BRIP1: variants seen among roughly 807,000 people sequenced by gnomAD.
BRIP1 encodes the protein Fanconi anemia group J protein.
A neutral mutation model predicts 119.7 loss-of-function variants in BRIP1; 88 were observed. That is an observed-to-expected ratio of 0.74 (90% CI 0.62 to 0.88). The LOEUF is 0.88. Among genes scored for constraint, BRIP1 ranks in the 40% least tolerant of loss-of-function variants. The pLI is 0.00. For synonymous variants in BRIP1, 443 were observed against 496.5 expected, an observed-to-expected ratio of 0.89 and a Z score of 1.43; for missense variants, 1,259 against 1,455.4, an observed-to-expected ratio of 0.87 and a Z score of 2.20.
chr17:61,766,477 T>C (rs2077375294), intron 14 of BRIP1, among the ~76,000 whole-genome samples: 1 of 152,118 alleles, frequency 6.6e-6, no homozygotes, highest in Non-Finnish European at 1.5e-5. Flanking sequence ...CAAATTTATA[T>C]CTATAGAAAT....
intron 2 of BRIP1, 58 bp from the exon 3 acceptor site, chr17:61,859,965 TC>T (rs2078952860): frequency 3.3e-6 from 4 of 1,220,572 alleles, no homozygotes; most frequent in Admixed American, 3.4e-5. Context: ...AAGGTCTCTC[TC>T]CATCTGAAGT....
At chr17:61,728,990 T>C (rs1603298728) in intron 16 of BRIP1, among the ~76,000 whole-genome samples, 1 of 149,812 alleles carries the variant, frequency 6.7e-6, no homozygotes, top group Non-Finnish European at 1.5e-5. Flanking sequence ...CTATCAACCC[T>C]AAAGTTCAAA....
intron 16 of BRIP1, among the ~76,000 whole-genome samples, chr17:61,727,065 G>GTA (rs1603297965): frequency 6.6e-6 from 1 of 152,136 alleles, no homozygotes; most frequent in Admixed American, 6.6e-5. Context: ...AATATTAAGA[G>GTA]GATTTAATAA....
chr17:61,769,722 A>G lies in BRIP1; in HGVS notation c.2097+6679T>C, dbSNP rs1276062510. Among the ~76,000 whole-genome samples the G allele has an allele frequency of 6.6e-6, 1 of 152,216 alleles. No individual in the cohort carries two copies. Among genetic ancestry groups the G allele is most frequent in the Admixed American group, 6.5e-5 (1 of 15,280 alleles). On this transcript the variant is annotated intron_variant, in intron 14 of 19. Coordinates refer to ENST00000259008, the MANE Select transcript of BRIP1 (RefSeq NM_032043.3). This position sits in a 1 kb window ranked among gnomAD's most constrained non-coding sequence, Gnocchi z 4.9. ...TGGGATCCATCTGAGAACTGAGGTC[A>G]CAAGGCAAACTGCCACCCTGAAATC...
Position 61,857,178 on chromosome 17 carries a change from A to G in BRIP1, c.259T>C (p.Cys87Arg), listed in dbSNP as rs1555617897. ...SEKAEVQLSC[C>R]CACHSKDFTN... ...AAATCCTTTGAATGGCATGCACAAC[A>G]ACATGACAATTGTACTTCAGCTTTT... Residue 87 changes from cysteine (C) to arginine (R), a missense_variant, in exon 4 of 20, where the codon TGT becomes CGT. By Grantham distance (180) the Cys-to-Arg change is radical. Around this residue, in one of 3 missense-constraint regions of BRIP1, gnomAD observed 501 missense variants for 544.0 expected, o/e 0.92. Transcript: ENST00000259008. The surrounding 1 kb of genome is among the most constrained non-coding windows in gnomAD (Gnocchi z 5.1). 3 of 1,613,962 alleles carry G rather than the reference A, an allele frequency of 1.9e-6. No homozygotes were observed. Among genetic ancestry groups the G allele is most frequent in the Non-Finnish European group, 2.5e-6 (3 of 1,179,792 alleles).
In BRIP1 at chr17:61,791,488, CAAAAA is replaced by C. The variant is rs529710126; in HGVS notation, c.1473+2104_1473+2108del. Among the ~76,000 whole-genome samples, 25 of 52,926 alleles carry C rather than the reference CAAAAA, an allele frequency of 4.7e-4. 1 individual carries two copies. Among genetic ancestry groups the C allele is most frequent in the African/African-American group, 9.9e-4 (12 of 12,134 alleles). The allele number at this position is 52,926 out of a possible 152,430, so 34.7% of individuals were successfully genotyped here. On this transcript the variant is annotated intron_variant, in intron 10 of 19. Transcript: ENST00000259008. The stretch of plus-strand genomic sequence containing the variant: ...TGGGCAACAGAGTGAGACTTCATCT[CAAAAA>C]AAAAAAAAAAAAAAAAAGAATTTGA...
chr17:61,839,105 A>G (rs1383097994), intron 6 of BRIP1, among the ~76,000 whole-genome samples: 1 of 151,950 alleles, frequency 6.6e-6, no homozygotes, highest in African/African-American at 2.4e-5. Flanking sequence ...CAAAAATCCC[A>G]TTTTTTAAAT....
intron 6 of BRIP1, among the ~76,000 whole-genome samples, chr17:61,835,161 T>C (rs1300666745): frequency 6.6e-6 from 1 of 152,184 alleles, no homozygotes; most frequent in East Asian, 1.9e-4. Context: ...TTTAGAAATA[T>C]AAAATTTAAT....
At chr17:61,698,737 AG>A (rs895021443) in intron 17 of BRIP1, among the ~76,000 whole-genome samples, 15 of 150,724 alleles carry the variant, frequency 1.0e-4, no homozygotes, top group African/African-American at 3.4e-4. Flanking sequence ...TTTTTGAGAC[AG>A]GGTCTTACTC....
rs2076740486 is a variant in BRIP1 at position 61,724,500 on chromosome 17, CT to C, written c.2380-8438del. Among the ~76,000 whole-genome samples, 1 of 152,018 alleles carries C rather than the reference CT, an allele frequency of 6.6e-6. No homozygotes were observed. The highest frequency in any genetic ancestry group is 2.4e-5 in the African/African-American group (1 of 41,386). On this transcript the variant is annotated intron_variant, in intron 16 of 19. Coordinates refer to ENST00000259008, the MANE Select transcript of BRIP1 (RefSeq NM_032043.3). The surrounding 1 kb of genome is among the most constrained non-coding windows in gnomAD (Gnocchi z 5.1). ...GTCAAACTCTTTGCACAAAAGTAGC[CT>C]TTTTAAAGTTTATCAGTAGCTTCTG...
Position 61,780,436 on chromosome 17 carries a change from C to A in BRIP1, c.1795-35G>T, listed in dbSNP as rs1218288339. 2 of 1,583,008 alleles carry A rather than the reference C, an allele frequency of 1.3e-6. No individual in the cohort carries two copies. Among genetic ancestry groups the A allele is most frequent in the Non-Finnish European group, 1.7e-6 (2 of 1,153,144 alleles). On this transcript the variant is annotated intron_variant, in intron 12 of 19. Coordinates refer to ENST00000259008, the MANE Select transcript of BRIP1 (RefSeq NM_032043.3). This position sits in a 1 kb window ranked among gnomAD's most constrained non-coding sequence, Gnocchi z 5.4. ...AACAACATTAGATAAATAAAATTAT[C>A]TTTAGAAGAGGCTGGGCAAAGTGGC...
In BRIP1 at chr17:61,828,380, C is replaced by T. The variant is rs1040978039; in HGVS notation, c.627+18721G>A. On this transcript the variant is annotated intron_variant, in intron 6 of 19. Coordinates refer to ENST00000259008, the MANE Select transcript of BRIP1 (RefSeq NM_032043.3). This position sits in a 1 kb window ranked among gnomAD's most constrained non-coding sequence, Gnocchi z 4.1. ...AAATTCATAGAGACGGAAAGGAGAA[C>T]GGCATTTTTCCTGGGGCTGGACAAT... Among the ~76,000 whole-genome samples the T allele has an allele frequency of 4.0e-5, 6 of 151,810 alleles. No homozygotes were observed. The highest frequency in any genetic ancestry group is 3.9e-4 in the East Asian group (2 of 5,174).
Position 61,693,692 on chromosome 17 carries a change from A to C in BRIP1, c.2493-180T>G, listed in dbSNP as rs2061482849. 6.6e-6 allele frequency among the ~76,000 whole-genome samples: 1 copy of C among 152,192 alleles called. No homozygotes were observed. The highest frequency in any genetic ancestry group is 2.4e-5 in the African/African-American group (1 of 41,468). On this transcript the variant is annotated intron_variant, in intron 17 of 19. Coordinates refer to ENST00000259008, the MANE Select transcript of BRIP1 (RefSeq NM_032043.3). The surrounding 1 kb of genome is among the most constrained non-coding windows in gnomAD (Gnocchi z 4.2). ...ATGTAACAAACTAGATGTATTAAAA[A>C]TTCCCTACTTTTTCCAAATACAGAT...
rs1209925293 is a variant in BRIP1, at chr17:61,722,471, A to G, written c.2380-6408T>C. Among the ~76,000 whole-genome samples the G allele has an allele frequency of 6.6e-6, 1 of 152,212 alleles. No individual in the cohort carries two copies. Among genetic ancestry groups the G allele is most frequent in the Non-Finnish European group, 1.5e-5 (1 of 68,022 alleles). On this transcript the variant is annotated intron_variant, in intron 16 of 19. Transcript: ENST00000259008. This position sits in a 1 kb window ranked among gnomAD's most constrained non-coding sequence, Gnocchi z 4.6. ...ACATGATAATTAAGACTATAAGAAA[A>G]AGTACTTTTAAAATTCTGTCCAGCT...
At position 61,683,214 on chromosome 17, in the gene BRIP1, T is replaced by A; in HGVS notation, c.*82A>T. 6 of 1,417,904 alleles carry A rather than the reference T, an allele frequency of 4.2e-6. No homozygotes were observed. The highest frequency in any genetic ancestry group is 5.8e-6 in the Non-Finnish European group (6 of 1,026,464). The allele number at this position is 1,417,904 out of a possible 1,614,324, so 87.8% of individuals were successfully genotyped here. A position where few individuals can be genotyped will look rare whatever the true frequency, so the allele number is the denominator to read the frequency against. ...GTTTTTTAAAAAGTATGCCACTTAT[T>A]CAATTTACAAATTATTACTTACAAC... On this transcript the variant is annotated 3_prime_UTR_variant, in exon 20 of 20. Transcript: ENST00000259008. The surrounding 1 kb of genome is among the most constrained non-coding windows in gnomAD (Gnocchi z 4.7).
chr17:61,725,328 A>G lies in BRIP1; in HGVS notation c.2380-9265T>C, dbSNP rs1187638836. On this transcript the variant is annotated intron_variant, in intron 16 of 19. Coordinates refer to ENST00000259008, the MANE Select transcript of BRIP1 (RefSeq NM_032043.3). The surrounding 1 kb of genome is among the most constrained non-coding windows in gnomAD (Gnocchi z 5.3). ...TAATCTATCAAGACATAGTAACAGC[A>G]ATATATTTCACATATGCTTTAAGAC... 6.6e-6 allele frequency among the ~76,000 whole-genome samples: 1 copy of G among 152,202 alleles called. No individual in the cohort carries two copies. Among genetic ancestry groups the G allele is most frequent in the African/African-American group, 2.4e-5 (1 of 41,450 alleles).
At chr17:61,838,438 T>C (rs149668316) in intron 6 of BRIP1, among the ~76,000 whole-genome samples, 28,460 of 151,522 alleles carry the variant, frequency 0.19, 3,093 homozygotes, top group Admixed American at 0.3. Context: ...CCCAGCTACT[T>C]GGGAGGCTGA....
chr17:61,697,003 A>AAAAG (rs1491195142), intron 17 of BRIP1, among the ~76,000 whole-genome samples: 19 of 121,288 alleles, frequency 1.6e-4, no homozygotes, highest in Non-Finnish European at 2.3e-4. Flanking sequence ...AAAAAAAAAA[A>AAAAG]GGGGGGGGGA....
Position 61,709,768 on chromosome 17 carries a change from C to T in BRIP1, c.2492+6183G>A, listed in dbSNP as rs2061744401. On this transcript the variant is annotated intron_variant, in intron 17 of 19. Coordinates refer to ENST00000259008, the MANE Select transcript of BRIP1 (RefSeq NM_032043.3). This position sits in a 1 kb window ranked among gnomAD's most constrained non-coding sequence, Gnocchi z 5.0. Reference sequence around the variant, plus strand: ...AAAGCAACAAAGACTAGTTAGAAAACTCATAGTGCAGTTGTAACCTGGTTG... The same window carrying T: ...AAAGCAACAAAGACTAGTTAGAAAATTCATAGTGCAGTTGTAACCTGGTTG... Among the ~76,000 whole-genome samples the T allele has an allele frequency of 6.6e-6, 1 of 152,162 alleles. No individual in the cohort carries two copies. Among genetic ancestry groups the T allele is most frequent in the East Asian group, 1.9e-4 (1 of 5,200 alleles).
Sources: allele counts gnomAD v4.1 joint callset (sites outside exome capture counted in the v4.1 genomes callset), GRCh38; gene constraint gnomAD v4.1.1; regional missense constraint gnomAD v4.1.1; non-coding constraint Gnocchi (gnomAD v3.1); transcripts MANE v1.5; gene names NCBI Gene and HGNC (gene_info 2026-07-23, HGNC 2026-07-21).